AGBL4: variants seen among roughly 807,000 people sequenced by gnomAD.
AGBL4 encodes AGBL carboxypeptidase 4.
Under a neutral mutation model 66.4 loss-of-function variants are expected in AGBL4, and 58 were observed. That is an observed-to-expected ratio of 0.87 (90% CI 0.71 to 1.09). The LOEUF is 1.09. AGBL4 is among the 50% of genes least tolerant of loss of function. AGBL4 has a pLI of 0.00. For missense variants in AGBL4, 579 were observed against 631.0 expected (o/e 0.92, Z 0.88); for synonymous variants, 234 against 222.9 (o/e 1.05, Z -0.44).
rs571467770 is a variant in AGBL4, at chr1:49,854,208, G to GA, written c.35-2691_35-2690insT. Among the ~76,000 whole-genome samples, 734 of 151,742 alleles carry GA rather than the reference G, an allele frequency of 4.8e-3. 7 individuals are homozygous for GA. The highest frequency in any genetic ancestry group is 6.7e-3 in the Non-Finnish European group (458 of 67,856). ...GCCCTCATTCACAAGGAAGGGGCAAGTGTCAGGCCCCTCTAAAACAAGTAG... is the reference window on the plus strand; with the variant it reads ...GCCCTCATTCACAAGGAAGGGGCAAGATGTCAGGCCCCTCTAAAACAAGTAG... On this transcript the variant is annotated intron_variant, in intron 1 of 13. Coordinates refer to ENST00000371839, the MANE Select transcript of AGBL4 (RefSeq NM_032785.4).
chr1:49,564,145 C>T (rs180932275), intron 3 of AGBL4, among the ~76,000 whole-genome samples: 18 of 152,028 alleles, frequency 1.2e-4, no homozygotes, highest in East Asian at 9.7e-4. Context: ...TCTGTGGGAT[C>T]GGTGGTGATG....
intron 3 of AGBL4, chr1:49,472,198 T>C (rs1453427455): frequency 6.6e-6 from 1 of 152,064 alleles, no homozygotes; most frequent in Non-Finnish European, 1.5e-5. Flanking sequence ...GTATTTATTG[T>C]CTGCAGAAGT....
Position 49,547,777 on chromosome 1 carries a change from T to C in AGBL4, c.282+149536A>G, listed in dbSNP as rs535378307. 8.1e-5 allele frequency among the ~76,000 whole-genome samples: 12 copies of C among 148,368 alleles called. No homozygotes were observed. The South Asian group carries it at 2.5e-3, about 32-fold the overall frequency. On this transcript the variant is annotated intron_variant, in intron 3 of 13. Transcript: ENST00000371839. ...AGCTATTGTAAAAGGGGTTGAGTCT[T>C]TTTTTTTTTTTCTTGAGACAGAGTC...
intron 2 of AGBL4, among the ~76,000 whole-genome samples, chr1:49,797,966 T>C (rs567781554): frequency 1.3e-5 from 2 of 152,122 alleles, no homozygotes; most frequent in South Asian, 2.1e-4. Flanking sequence ...TTTCACCATG[T>C]TGGCCAGGCT....
At chr1:49,116,948 C>G (rs182553733) in intron 4 of AGBL4, among the ~76,000 whole-genome samples, 113 of 152,204 alleles carry the variant, frequency 7.4e-4, no homozygotes, top group Admixed American at 1.3e-3. Context: ...TTGTGGTTTT[C>G]ATTTGCATTT....
At chr1:48,875,970 CG>C (rs1356177273) in intron 5 of AGBL4, among the ~76,000 whole-genome samples, 1 of 152,194 alleles carries the variant, frequency 6.6e-6, no homozygotes, top group East Asian at 1.9e-4. Flanking sequence ...TTGGCTTATT[CG>C]CAGGTTTATA....
At chr1:49,588,326 T>C (rs1427657902) in intron 3 of AGBL4, among the ~76,000 whole-genome samples, 5 of 152,204 alleles carry the variant, frequency 3.3e-5, no homozygotes, top group Non-Finnish European at 5.9e-5. Context: ...GTGGATGCTA[T>C]AATTTCCACC....
At chr1:48,928,339 G>C (rs913919741) in intron 5 of AGBL4, among the ~76,000 whole-genome samples, 21 of 152,204 alleles carry the variant, frequency 1.4e-4, no homozygotes, top group African/African-American at 5.1e-4. Flanking sequence ...CACAGGTGCT[G>C]TGAGACAGAA....
At chr1:49,086,959 T>C (rs549535166) in intron 4 of AGBL4, among the ~76,000 whole-genome samples, 1 of 151,710 alleles carries the variant, frequency 6.6e-6, no homozygotes, top group African/African-American at 2.4e-5. Flanking sequence ...TGGTCTAGAA[T>C]TAAGGCCAAT....
intron 1 of AGBL4, among the ~76,000 whole-genome samples, chr1:49,886,753 C>T (rs1369547723): frequency 6.6e-6 from 1 of 152,116 alleles, no homozygotes; most frequent in Admixed American, 6.6e-5. Flanking sequence ...ACAGATCAGC[C>T]TTTGGAGAAT....
intron 5 of AGBL4, among the ~76,000 whole-genome samples, chr1:49,000,966 A>G (rs1661352861): frequency 6.6e-6 from 1 of 152,202 alleles, no homozygotes; most frequent in African/African-American, 2.4e-5. Flanking sequence ...GAGAATATAC[A>G]ACCCAAAGGC....
At chr1:49,392,511 A>G (rs368012287) in intron 3 of AGBL4, among the ~76,000 whole-genome samples, 1 of 152,328 alleles carries the variant, frequency 6.6e-6, no homozygotes, top group Admixed American at 6.5e-5. Context: ...CCACTAATGT[A>G]CTTGAGGCAC....
chr1:48,660,503 G>A (rs551291953), intron 7 of AGBL4, among the ~76,000 whole-genome samples: 2 of 152,344 alleles, frequency 1.3e-5, no homozygotes, highest in East Asian at 1.9e-4. Flanking sequence ...CACATTTAGG[G>A]CTATGACTGA....
chr1:48,546,191 A>G (rs927834720), intron 11 of AGBL4, among the ~76,000 whole-genome samples: 19 of 152,216 alleles, frequency 1.2e-4, no homozygotes, highest in Admixed American at 3.9e-4. Context: ...TTCGACATAT[A>G]TTTCACAGAT....
At chr1:50,009,435 C>T (rs1245252392) in intron 1 of AGBL4, among the ~76,000 whole-genome samples, 1 of 151,064 alleles carries the variant, frequency 6.6e-6, no homozygotes, top group Non-Finnish European at 1.5e-5. Flanking sequence ...TCAATTGATG[C>T]CAAAAAGAAT....
At chr1:48,559,686 G>A (rs534612610) in intron 11 of AGBL4, among the ~76,000 whole-genome samples, 28 of 152,152 alleles carry the variant, frequency 1.8e-4, no homozygotes, top group Non-Finnish European at 2.5e-4. Flanking sequence ...TAATAAGATC[G>A]GAAATTTTAG....
intron 4 of AGBL4, among the ~76,000 whole-genome samples, chr1:49,071,258 A>G (rs995147070): frequency 6.6e-6 from 1 of 151,244 alleles, no homozygotes; most frequent in Admixed American, 6.6e-5. Flanking sequence ...TTCTGTTCTG[A>G]TCTTAGTTAT....
intron 3 of AGBL4, among the ~76,000 whole-genome samples, chr1:49,371,994 T>C: frequency 6.6e-6 from 1 of 152,070 alleles, no homozygotes; most frequent in East Asian, 1.9e-4. Context: ...TACTGGAGGA[T>C]AATGAAATTG....
intron 2 of AGBL4, among the ~76,000 whole-genome samples, chr1:49,785,827 C>A (rs1454539795): frequency 6.6e-6 from 1 of 150,498 alleles, no homozygotes; most frequent in Non-Finnish European, 1.5e-5. Context: ...CATTACATAC[C>A]TCTCAGAATC....
Sources: allele counts gnomAD v4.1 joint callset (sites outside exome capture counted in the v4.1 genomes callset), GRCh38; gene constraint gnomAD v4.1.1; transcripts MANE v1.5; gene names NCBI Gene and HGNC (gene_info 2026-07-23, HGNC 2026-07-21).